RBM19: variants seen among roughly 807,000 people sequenced by gnomAD.
RBM19 encodes RNA binding motif protein 19.
RBM19 carries 94 observed loss-of-function variants against 116.8 expected under a neutral mutation model. That is an observed-to-expected ratio of 0.80 (90% CI 0.68 to 0.95). The LOEUF (loss-of-function observed/expected upper bound fraction) is 0.95. RBM19 is among the 40% of genes least tolerant of loss of function. The pLI, the probability that RBM19 is intolerant of heterozygous loss-of-function variation, is 0.00. For synonymous variants in RBM19, 475 were observed against 494.1 expected, an observed-to-expected ratio of 0.96 and a Z score of 0.51; for missense variants, 1,161 against 1,220.7, an observed-to-expected ratio of 0.95 and a Z score of 0.73.
intron 20 of RBM19, among the ~76,000 whole-genome samples, chr12:113,915,570 T>G (rs2135854607): frequency 6.6e-6 from 1 of 152,304 alleles, no homozygotes; most frequent in East Asian, 1.9e-4. Context: ...AATGCAGTGC[T>G]ACCTGGCCTG....
chr12:113,907,084 A>T (rs1223052701), intron 21 of RBM19, among the ~76,000 whole-genome samples: 1 of 152,038 alleles, frequency 6.6e-6, no homozygotes, highest in African/African-American at 2.4e-5. Flanking sequence ...CCACACCTTG[A>T]ACTGGGACTT....
chr12:113,947,256 A>G (rs1871103446), intron 11 of RBM19, 78 bp downstream of exon 11: 2 of 1,477,750 alleles, frequency 1.4e-6, no homozygotes, highest in South Asian at 1.4e-5. Flanking sequence ...GTCCACACAC[A>G]TACACACACA....
At chr12:113,863,097 T>A (rs895939517) in intron 21 of RBM19, among the ~76,000 whole-genome samples, 1 of 149,916 alleles carries the variant, frequency 6.7e-6, no homozygotes, top group African/African-American at 2.4e-5. Flanking sequence ...GGAGGTGGGA[T>A]GGGGCTCCGA....
intron 19 of RBM19, among the ~76,000 whole-genome samples, chr12:113,919,213 C>T (rs1882962565): frequency 6.6e-6 from 1 of 152,208 alleles, no homozygotes; most frequent in South Asian, 2.1e-4. Context: ...TTCACTTTAG[C>T]TGAAGGCCAT....
chr12:113,822,435 C>T lies in RBM19; in HGVS notation c.*789G>A, dbSNP rs60738585. 9,773 of 152,284 alleles carry T rather than the reference C, an allele frequency of 0.064. 607 individuals are homozygous for T. Among genetic ancestry groups the T allele is most frequent in the East Asian group, 0.32 (1,632 of 5,148 alleles). 9.4% of individuals were successfully genotyped at this position (152,284 alleles called of 1,614,324 possible). ...GGGCTCTGGGCCCGTGAGCAGAACG[C>T]GTCCACCATGAGTGACATCATTCAG... On this transcript the variant is annotated 3_prime_UTR_variant, in exon 24 of 24. Coordinates refer to ENST00000261741, the MANE Select transcript of RBM19 (RefSeq NM_016196.4).
At chr12:113,921,606 G>A (rs1263888487) in intron 18 of RBM19, among the ~76,000 whole-genome samples, 1 of 152,142 alleles carries the variant, frequency 6.6e-6, no homozygotes, top group Non-Finnish European at 1.5e-5. Flanking sequence ...CAAAATAAGA[G>A]CCAACTGCAT....
intron 16 of RBM19, among the ~76,000 whole-genome samples, chr12:113,935,760 G>C (rs1047802994): frequency 6.6e-6 from 1 of 152,200 alleles, no homozygotes; most frequent in Non-Finnish European, 1.5e-5. Flanking sequence ...TAGACTGGGC[G>C]TGGTGGCTTA....
chr12:113,893,582 T>A (rs1354690192), intron 21 of RBM19, among the ~76,000 whole-genome samples: 1 of 152,166 alleles, frequency 6.6e-6, no homozygotes, highest in East Asian at 1.9e-4. Flanking sequence ...TGTTTCTAAT[T>A]TTTTGCTATC....
chr12:113,834,694 A>C (rs907127781), intron 23 of RBM19, among the ~76,000 whole-genome samples: 1 of 152,208 alleles, frequency 6.6e-6, no homozygotes, highest in Non-Finnish European at 1.5e-5. Flanking sequence ...GCCCAGATCC[A>C]ATAAAGAGAG....
chr12:113,936,935 A>C, intron 16 of RBM19, 72 bp downstream of exon 16: 1 of 1,551,664 alleles, frequency 6.4e-7, no homozygotes, highest in Non-Finnish European at 8.7e-7. Flanking sequence ...AAGAAACTTC[A>C]CGCTGCCCCC....
intron 2 of RBM19, among the ~76,000 whole-genome samples, 191 bp downstream of exon 2, chr12:113,962,041 C>T (rs566619418): frequency 3.9e-5 from 6 of 152,296 alleles, no homozygotes; most frequent in South Asian, 2.1e-4. Context: ...GCTCTGGGGA[C>T]GGGCCCAGGA....
At chr12:113,833,714 C>T (rs1875632181) in intron 23 of RBM19, among the ~76,000 whole-genome samples, 1 of 152,190 alleles carries the variant, frequency 6.6e-6, no homozygotes, top group African/African-American at 2.4e-5. Flanking sequence ...TCTGGTGGTC[C>T]TGAAGAGCTC....
chr12:113,941,041 G>C (rs563676532), intron 14 of RBM19, among the ~76,000 whole-genome samples: 2 of 152,284 alleles, frequency 1.3e-5, no homozygotes, highest in African/African-American at 4.8e-5. Context: ...AAATATAATG[G>C]AAAAATCTAG....
At chr12:113,872,408 TCCGC>T (rs1879298094) in intron 21 of RBM19, among the ~76,000 whole-genome samples, 1 of 91,840 alleles carries the variant, frequency 1.1e-5, no homozygotes, top group Admixed American at 1.1e-4. Context: ...GGGTCAGCCC[TCCGC>T]CCGGCCAGCC....
intron 21 of RBM19, among the ~76,000 whole-genome samples, chr12:113,881,745 TC>T (rs1474070460): frequency 1.3e-5 from 2 of 152,220 alleles, no homozygotes; most frequent in Admixed American, 6.5e-5. Context: ...CTGTCCTGGC[TC>T]CCTGACTTAA....
chr12:113,939,967 T>A lies in RBM19; in HGVS notation c.1931A>T (p.Tyr644Phe). Residue 644 changes from tyrosine (Y) to phenylalanine (F), a missense_variant, in exon 15 of 24, where the codon TAT becomes TTT. Transcript: ENST00000261741. ...GGTCTCCAGCAGCCCTACCTTGGAA[T>A]AGGCCAGATGCCTGAAGGCCTTGCG... ...EARKAFRHLA[Y>F]SKFHHVPLYL... 6.2e-7 allele frequency: 1 copy of A among 1,613,970 alleles called. No individual in the cohort carries two copies. Among genetic ancestry groups the A allele is most frequent in the African/African-American group, 1.3e-5 (1 of 75,046 alleles).
intron 23 of RBM19, among the ~76,000 whole-genome samples, chr12:113,835,689 T>C (rs1875817575): frequency 6.6e-6 from 1 of 152,192 alleles, no homozygotes; most frequent in South Asian, 2.1e-4. Flanking sequence ...CTCCGGGCAC[T>C]CTGCTCATAG....
intron 21 of RBM19, among the ~76,000 whole-genome samples, chr12:113,896,842 A>C (rs1881367620): frequency 6.6e-6 from 1 of 152,212 alleles, no homozygotes. Context: ...TTTGCACCAA[A>C]CACTAGGCTG....
chr12:113,947,436 G>C lies in RBM19; in HGVS notation c.1305C>G (p.Ile435Met). The C allele has an allele frequency of 6.2e-7, 1 of 1,610,338 alleles. No individual in the cohort carries two copies. The highest frequency in any genetic ancestry group is 8.5e-7 in the Non-Finnish European group (1 of 1,176,888). The part of the protein sequence containing the change: ...YGPLSELHYP[I>M]DSLTKKPKGF... ...CCTTGGGTTTCTTGGTCAGGCTGTC[G>C]ATGGGGTAGTGGAGCTCAGACAGGG... Residue 435 changes from isoleucine (I) to methionine (M), a missense_variant, in exon 11 of 24, where the codon ATC (isoleucine) becomes ATG (methionine). Transcript: ENST00000261741.
Sources: gnomAD v4.1 joint callset for allele counts (sites outside exome capture counted in the v4.1 genomes callset) on GRCh38, gnomAD v4.1.1 for gene constraint, MANE v1.5 for transcripts, NCBI Gene and HGNC (gene_info 2026-07-23, HGNC 2026-07-21) for gene names.